UBE2D3: variants seen among roughly 807,000 people sequenced by gnomAD.
UBE2D3 encodes ubiquitin-conjugating enzyme E2 D3.
UBE2D3 carries 2 observed loss-of-function variants against 22.8 expected under a neutral mutation model. That is an observed-to-expected ratio of 0.09 (90% CI 0.04 to 0.28). The LOEUF is 0.28. Ranked by LOEUF, UBE2D3 falls within the 10% of genes least tolerant of loss-of-function variation. The pLI is 1.00. For missense variants in UBE2D3, 27 were observed against 182.5 expected (o/e 0.15, Z 4.91); for synonymous variants, 56 against 60.4 (o/e 0.93, Z 0.34).
At chr4:102,820,174 T>C (rs1278017317) in intron 2 of UBE2D3, among the ~76,000 whole-genome samples, 1 of 152,184 alleles carries the variant, frequency 6.6e-6, no homozygotes, top group South Asian at 2.1e-4. Flanking sequence ...TAGCTGTCCA[T>C]CAGGCAGACA....
chr4:102,823,609 T>C (rs1293905576), intron 2 of UBE2D3, among the ~76,000 whole-genome samples: 1 of 152,228 alleles, frequency 6.6e-6, no homozygotes, highest in African/African-American at 2.4e-5. Flanking sequence ...GTAGTCCCTG[T>C]TTAATGGGAG....
At chr4:102,798,930 T>TAC (rs1195731959) in intron 7 of UBE2D3, 3 of 1,611,788 alleles carry the variant, frequency 1.9e-6, no homozygotes, top group Non-Finnish European at 2.5e-6. Flanking sequence ...CCTCTTACCC[T>TAC]ACAACATAGC....
intron 1 of UBE2D3, 49 bp from the exon 2 acceptor site, chr4:102,826,685 C>T: frequency 2.0e-6 from 3 of 1,490,608 alleles, no homozygotes; most frequent in Non-Finnish European, 2.6e-6. Context: ...CCCGAAGAGC[C>T]CCTGATGAAT....
chr4:102,819,609 G>C (rs1729272685), intron 2 of UBE2D3: 1 of 985,250 alleles, frequency 1.0e-6, no homozygotes, highest in Non-Finnish European at 1.2e-6. Context: ...ACTTATTCTA[G>C]GTTTCATCCC....
chr4:102,855,438 T>G (rs1011835452), intron 1 of UBE2D3, among the ~76,000 whole-genome samples: 2 of 152,198 alleles, frequency 1.3e-5, no homozygotes, highest in South Asian at 4.1e-4. Flanking sequence ...TCAACACAAT[T>G]TGTAAAGATA....
intron 5 of UBE2D3, 62 bp downstream of exon 5, chr4:102,802,499 G>GCT: frequency 7.3e-7 from 1 of 1,374,778 alleles, no homozygotes; most frequent in Non-Finnish European, 1.0e-6. Flanking sequence ...TTCCAAGAAT[G>GCT]CTCTATTCCT....
At chr4:102,856,876 A>T (rs1303166777) in intron 1 of UBE2D3, among the ~76,000 whole-genome samples, 5 of 152,204 alleles carry the variant, frequency 3.3e-5, no homozygotes, top group Admixed American at 3.3e-4. Context: ...GACAAAAGAT[A>T]ATTGGTTACC....
At chr4:102,842,388 C>G (rs1731803917) in intron 1 of UBE2D3, among the ~76,000 whole-genome samples, 1 of 151,654 alleles carries the variant, frequency 6.6e-6, no homozygotes, top group Non-Finnish European at 1.5e-5. Flanking sequence ...CTGTTTCTAC[C>G]AAAACAAAAA....
intron 4 of UBE2D3, among the ~76,000 whole-genome samples, chr4:102,805,900 CTCA>C (rs1053629548): frequency 7.9e-5 from 12 of 152,278 alleles, no homozygotes; most frequent in East Asian, 3.9e-4. Context: ...AAACCAGGAT[CTCA>C]TCATCAACTT....
intron 1 of UBE2D3, among the ~76,000 whole-genome samples, chr4:102,859,858 T>G (rs1732796997): frequency 6.6e-6 from 1 of 151,448 alleles, no homozygotes; most frequent in African/African-American, 2.4e-5. Context: ...TTTGTTTTTT[T>G]TTTTTGATAT....
chr4:102,850,848 A>G (rs868861020), intron 1 of UBE2D3, among the ~76,000 whole-genome samples: 2 of 152,144 alleles, frequency 1.3e-5, no homozygotes, highest in South Asian at 4.2e-4. Context: ...ACCAAACATC[A>G]TTATGTTCTC....
chr4:102,806,764 A>AG (rs1477218004), intron 4 of UBE2D3, among the ~76,000 whole-genome samples: 2 of 152,176 alleles, frequency 1.3e-5, no homozygotes, highest in African/African-American at 4.8e-5. Flanking sequence ...CAGAGGCAAT[A>AG]GGTAAGGAAG....
intron 1 of UBE2D3, among the ~76,000 whole-genome samples, chr4:102,844,826 C>T (rs917200111): frequency 6.6e-6 from 1 of 151,934 alleles, no homozygotes; most frequent in Admixed American, 6.6e-5. Context: ...CGAGACCATC[C>T]TGGATAACAT....
chr4:102,846,273 G>A (rs898354717), intron 1 of UBE2D3, among the ~76,000 whole-genome samples: 1 of 152,184 alleles, frequency 6.6e-6, no homozygotes, highest in Non-Finnish European at 1.5e-5. Flanking sequence ...ATTCCTTAAT[G>A]ACATGGTGAA....
At chr4:102,803,141 T>C (rs1578224644) in intron 4 of UBE2D3, among the ~76,000 whole-genome samples, 1 of 152,168 alleles carries the variant, frequency 6.6e-6, no homozygotes, top group South Asian at 2.1e-4. Flanking sequence ...TTTTAATCAA[T>C]ACCAGAAAAT....
In UBE2D3 at chr4:102,796,215, C is replaced by CAAG. The variant is rs1006678944; in HGVS notation, c.*1197_*1199dup. Reference sequence around the variant, plus strand: ...TGTTTTTTTTCAGCTGTCAAGTGTACAAGGTGAAGAGAAATTTCAGTTAGA... The same window carrying CAAG: ...TGTTTTTTTTCAGCTGTCAAGTGTACAAGAAGGTGAAGAGAAATTTCAGTTAGA... On this transcript the variant is annotated 3_prime_UTR_variant, in exon 8 of 8. Coordinates refer to ENST00000453744, the MANE Select transcript of UBE2D3 (RefSeq NM_181891.3). 6 of 152,178 alleles carry CAAG rather than the reference C, an allele frequency of 3.9e-5. No individual in the cohort carries two copies. Among genetic ancestry groups the CAAG allele is most frequent in the African/African-American group, 1.5e-4 (6 of 41,332 alleles). 9.4% of individuals were successfully genotyped at this position (152,178 alleles called of 1,614,324 possible).
intron 1 of UBE2D3, among the ~76,000 whole-genome samples, chr4:102,842,811 G>A (rs962259383): frequency 2.0e-5 from 3 of 152,178 alleles, no homozygotes; most frequent in Non-Finnish European, 2.9e-5. Flanking sequence ...AACTGTAACT[G>A]TAAGACTACC....
At chr4:102,848,921 CTGTGTGTG>C (rs147050383) in intron 1 of UBE2D3, among the ~76,000 whole-genome samples, 3,046 of 142,754 alleles carry the variant, frequency 0.021, 51 homozygotes, top group African/African-American at 0.041. Context: ...TTATGTGTGC[CTGTGTGTG>C]TGTGTGTGTG....
intron 2 of UBE2D3, among the ~76,000 whole-genome samples, chr4:102,821,004 A>G (rs1729519991): frequency 6.6e-6 from 1 of 152,210 alleles, no homozygotes; most frequent in African/African-American, 2.4e-5. Context: ...AACAAAGTAT[A>G]AAAATACTTC....
Sources: allele counts gnomAD v4.1 joint callset (sites outside exome capture counted in the v4.1 genomes callset), GRCh38; gene constraint gnomAD v4.1.1; transcripts MANE v1.5; gene names NCBI Gene and HGNC (gene_info 2026-07-23, HGNC 2026-07-21).